PPP3R1: variants seen among roughly 807,000 people sequenced by gnomAD.
PPP3R1 encodes protein phosphatase 3 regulatory subunit B, alpha.
Under a neutral mutation model 22.6 loss-of-function variants are expected in PPP3R1, and 5 were observed. The observed-to-expected ratio is 0.22, with a 90% CI of 0.12 to 0.46. PPP3R1 has a LOEUF of 0.46. Among genes scored for constraint, PPP3R1 ranks in the 20% least tolerant of loss-of-function variants. The pLI is 0.99. For synonymous variants in PPP3R1, 56 were observed against 65.2 expected, an observed-to-expected ratio of 0.86 and a Z score of 0.68; for missense variants, 61 against 203.2, an observed-to-expected ratio of 0.30 and a Z score of 4.25.
intron 4 of PPP3R1, 30 bp from the exon 5 acceptor site, chr2:68,186,682 A>T: frequency 6.5e-7 from 1 of 1,535,518 alleles, no homozygotes; most frequent in Non-Finnish European, 8.9e-7. Context: ...ATCAATTCCA[A>T]TTACAAAGCA....
intron 2 of PPP3R1, among the ~76,000 whole-genome samples, chr2:68,212,962 C>T (rs1340725340): frequency 6.6e-6 from 1 of 152,216 alleles, no homozygotes; most frequent in African/African-American, 2.4e-5. Context: ...AACCAACCTC[C>T]ACTAGCTTCA....
chr2:68,211,883 T>C (rs1188243419), intron 2 of PPP3R1, among the ~76,000 whole-genome samples: 3 of 152,178 alleles, frequency 2.0e-5, no homozygotes, highest in Non-Finnish European at 4.4e-5. Context: ...ATTTTCAGGC[T>C]CCACTTCTAA....
intron 1 of PPP3R1, among the ~76,000 whole-genome samples, chr2:68,220,444 T>C (rs538909088): frequency 1.3e-5 from 2 of 152,336 alleles, no homozygotes; most frequent in East Asian, 3.9e-4. Context: ...CATGATCCCA[T>C]GGGCCAAACT....
intron 1 of PPP3R1, among the ~76,000 whole-genome samples, chr2:68,217,723 G>A (rs557845800): frequency 2.6e-5 from 4 of 151,926 alleles, no homozygotes; most frequent in Non-Finnish European, 5.9e-5. Flanking sequence ...TTCATACAAA[G>A]TCTTATTTCA....
At chr2:68,235,733 C>T (rs1392357357) in intron 1 of PPP3R1, among the ~76,000 whole-genome samples, 1 of 152,136 alleles carries the variant, frequency 6.6e-6, no homozygotes, top group Non-Finnish European at 1.5e-5. Flanking sequence ...AATGGAATTA[C>T]TAGGTCATAT....
chr2:68,252,518 G>A lies in PPP3R1; in HGVS notation c.-391C>T. 1.0e-6 allele frequency: 1 copy of A among 984,544 alleles called. No individual in the cohort carries two copies. The highest frequency in any genetic ancestry group is 1.2e-6 in the Non-Finnish European group (1 of 829,776). 61.0% of individuals were successfully genotyped at this position (984,544 alleles called of 1,614,324 possible). A position where few individuals can be genotyped will look rare whatever the true frequency, so the allele number is the denominator to read the frequency against. ...TCACTGCAGCGGCTCGCGCTGACCC[G>A]CAACCTCAAGGCACGAAAAAAGGGG... On this transcript the variant is annotated 5_prime_UTR_variant, in exon 1 of 6. Transcript: ENST00000234310.
At chr2:68,242,435 A>G (rs1468597701) in intron 1 of PPP3R1, among the ~76,000 whole-genome samples, 1 of 152,132 alleles carries the variant, frequency 6.6e-6, no homozygotes, top group African/African-American at 2.4e-5. Context: ...AAAAAAAAAA[A>G]AAAGAAAAGA....
At chr2:68,235,147 T>C (rs1213612237) in intron 1 of PPP3R1, among the ~76,000 whole-genome samples, 3 of 152,200 alleles carry the variant, frequency 2.0e-5, no homozygotes, top group Admixed American at 6.5e-5. Flanking sequence ...TAATCTATTA[T>C]GGGTCAGCAA....
intron 1 of PPP3R1, among the ~76,000 whole-genome samples, chr2:68,223,690 T>C (rs1023060828): frequency 3.9e-5 from 6 of 152,076 alleles, no homozygotes; most frequent in Non-Finnish European, 4.4e-5. Flanking sequence ...ACTAGGACTA[T>C]TTCTCTATCT....
At chr2:68,210,990 G>A (rs1018468056) in intron 2 of PPP3R1, among the ~76,000 whole-genome samples, 11 of 152,024 alleles carry the variant, frequency 7.2e-5, no homozygotes, top group Non-Finnish European at 1.5e-4. Context: ...AGTGAATAAA[G>A]CGAACTACAT....
intron 1 of PPP3R1, among the ~76,000 whole-genome samples, chr2:68,219,842 T>A (rs1434302581): frequency 6.6e-6 from 1 of 152,196 alleles, no homozygotes; most frequent in Non-Finnish European, 1.5e-5. Flanking sequence ...TAAGAACACT[T>A]GAAGAATTCA....
At chr2:68,205,101 GAA>G (rs1429127528) in intron 2 of PPP3R1, among the ~76,000 whole-genome samples, 4 of 151,772 alleles carry the variant, frequency 2.6e-5, no homozygotes, top group Non-Finnish European at 4.4e-5. Context: ...CACAAAGTTT[GAA>G]AAAAGAGTAT....
At chr2:68,207,910 C>A (rs1369762897) in intron 2 of PPP3R1, among the ~76,000 whole-genome samples, 1 of 152,250 alleles carries the variant, frequency 6.6e-6, no homozygotes, top group Non-Finnish European at 1.5e-5. Flanking sequence ...AATGCCAGCA[C>A]TTTAGGAGGC....
intron 1 of PPP3R1, among the ~76,000 whole-genome samples, chr2:68,238,937 CTG>C (rs1213487346): frequency 1.3e-5 from 2 of 152,174 alleles, no homozygotes; most frequent in Non-Finnish European, 2.9e-5. Context: ...CTATGCAACT[CTG>C]TAACCACAGT....
intron 1 of PPP3R1, among the ~76,000 whole-genome samples, chr2:68,248,666 C>T (rs1212435197): frequency 6.6e-6 from 1 of 152,174 alleles, no homozygotes; most frequent in South Asian, 2.1e-4. Flanking sequence ...TCCAAATGTA[C>T]ATTGTCTCTT....
intron 1 of PPP3R1, among the ~76,000 whole-genome samples, chr2:68,242,469 C>T (rs928489236): frequency 2.0e-5 from 3 of 151,630 alleles, no homozygotes; most frequent in African/African-American, 4.8e-5. Context: ...TACGAACAGA[C>T]GTTAACAGTC....
In PPP3R1 at chr2:68,180,953, C is replaced by G. The variant is rs372874240; in HGVS notation, c.*10G>C. 6.8e-6 allele frequency: 11 copies of G among 1,610,448 alleles called. No individual in the cohort carries two copies. The highest frequency in any genetic ancestry group is 7.6e-6 in the Non-Finnish European group (9 of 1,176,886). On this transcript the variant is annotated 3_prime_UTR_variant, in exon 6 of 6. Transcript: ENST00000234310. ...AAGCAAAAGTGTTGGGTGGTACTCT[C>G]TGATAAGAGTCACACATCTACCACC...
At chr2:68,239,452 A>C (rs1346561092) in intron 1 of PPP3R1, among the ~76,000 whole-genome samples, 1 of 152,234 alleles carries the variant, frequency 6.6e-6, no homozygotes, top group Non-Finnish European at 1.5e-5. Context: ...GCATGGATAG[A>C]CACTGTTTCC....
chr2:68,234,833 G>T (rs779031317), intron 1 of PPP3R1, among the ~76,000 whole-genome samples: 31 of 152,264 alleles, frequency 2.0e-4, no homozygotes, highest in Admixed American at 3.3e-4. Flanking sequence ...AATTATAATT[G>T]AGAAAGTAAT....
Sources: gnomAD v4.1 joint callset for allele counts (sites outside exome capture counted in the v4.1 genomes callset) on GRCh38, gnomAD v4.1.1 for gene constraint, MANE v1.5 for transcripts, NCBI Gene and HGNC (gene_info 2026-07-23, HGNC 2026-07-21) for gene names.